Variants in SEPTIN3 observed in about 807,000 individuals in gnomAD.
SEPTIN3 encodes neuronal-specific septin-3.
SEPTIN3 carries 15 observed loss-of-function variants against 45.1 expected under a neutral mutation model. The observed-to-expected ratio is 0.33, with a 90% CI of 0.22 to 0.51. SEPTIN3 has a LOEUF of 0.51. Among genes scored for constraint, SEPTIN3 ranks in the 20% least tolerant of loss-of-function variants. The pLI, the probability that SEPTIN3 is intolerant of heterozygous loss-of-function variation, is 0.97. For missense variants in SEPTIN3, 289 were observed against 457.2 expected, an observed-to-expected ratio of 0.63 and a Z score of 3.35; for synonymous variants, 148 against 164.8, an observed-to-expected ratio of 0.90 and a Z score of 0.78.
In SEPTIN3 at chr22:41,981,648, T is replaced by TC; in HGVS notation, c.1511dup (p.Glu505ArgfsTer14). ...CCCTCCCACCTTGGCTCTGCAGGGC[T>TC]CCCAGAGACCAGGACGGACGCAGCC... On this transcript the variant is annotated frameshift_variant, in exon 3 of 12. Transcript: ENST00000644076. LOFTEE classifies it high-confidence loss of function. 6.2e-7 allele frequency: 1 copy of TC among 1,610,628 alleles called. No individual in the cohort carries two copies. Among genetic ancestry groups the TC allele is most frequent in the Non-Finnish European group, 8.5e-7 (1 of 1,178,480 alleles).
intron 1 of SEPTIN3, among the ~76,000 whole-genome samples, chr22:41,969,987 TCTTG>T (rs1029217623): frequency 2.0e-5 from 3 of 152,058 alleles, no homozygotes; most frequent in African/African-American, 7.2e-5. Context: ...GCCAGGACAG[TCTTG>T]GATACAAATA....
rs1299667756 is a variant in SEPTIN3 at position 41,976,813 on chromosome 22, G to A, written c.1504+3817G>A. 6.7e-6 allele frequency: 1 copy of A among 148,598 alleles called. No homozygotes were observed. The highest frequency in any genetic ancestry group is 2.4e-5 in the African/African-American group (1 of 40,882). The allele number at this position is 148,598 out of a possible 1,614,324, so 9.2% of individuals were successfully genotyped here. A position where few individuals can be genotyped will look rare whatever the true frequency, so the allele number is the denominator to read the frequency against. ...GGTGGCAGCGGCGGCGGCTGGCGGC[G>A]GCGGCAACGGTGCGCGCGGACAGGG... is the stretch of plus-strand genomic sequence containing the variant. On this transcript the variant is annotated intron_variant, in intron 2 of 11. Transcript: ENST00000644076. The surrounding 1 kb of genome is among the most constrained non-coding windows in gnomAD (Gnocchi z 5.8).
intron 9 of SEPTIN3, 122 bp downstream of exon 9, chr22:41,992,885 GC>G: frequency 1.4e-6 from 1 of 712,174 alleles, no homozygotes; most frequent in Non-Finnish European, 2.5e-6. Context: ...GCCAGATTCT[GC>G]CCATAAGGAG....
rs574004626 is a variant in SEPTIN3, at chr22:41,972,401, G to C, written c.909G>C (p.Lys303Asn). The C allele has an allele frequency of 6.3e-4, 251 of 399,112 alleles. 1 individual carries two copies. The highest frequency in any genetic ancestry group is 4.7e-3 in the African/African-American group (228 of 48,748). The allele number at this position is 399,112 out of a possible 1,614,324, so 24.7% of individuals were successfully genotyped here. Residue 303 changes from lysine (K) to asparagine (N), a missense_variant, in exon 2 of 12, where the codon AAG (lysine) becomes AAC (asparagine). Coordinates refer to ENST00000644076, the MANE Select transcript of SEPTIN3 (RefSeq NM_001363845.2). ...TGTEFPALDIKLGTARDLSSV... is the reference protein window; with the variant it reads ...TGTEFPALDINLGTARDLSSV... ...CAGAGTTCCCTGCCCTGGATATCAA[G>C]CTGGGCACAGCCAGAGACTTGTCTT...
chr22:41,987,956 T>C (rs906761856), intron 6 of SEPTIN3, among the ~76,000 whole-genome samples, 197 bp downstream of exon 6: 2 of 151,970 alleles, frequency 1.3e-5, no homozygotes, highest in African/African-American at 4.8e-5. Context: ...AAGTTTGACT[T>C]TCTTGCTAGG....
At chr22:41,989,801 C>A (rs2078274295) in intron 7 of SEPTIN3, 117 bp downstream of exon 7, 1 of 670,462 alleles carries the variant, frequency 1.5e-6, no homozygotes, top group East Asian at 2.6e-5. Flanking sequence ...AACCCTCCCC[C>A]AATTCTCCAC....
In SEPTIN3 at chr22:41,972,203, C is replaced by T; in HGVS notation, c.711C>T (p.Ala237=). 2 of 399,156 alleles carry T rather than the reference C, an allele frequency of 5.0e-6. No individual in the cohort carries two copies. Among genetic ancestry groups the T allele is most frequent in the Non-Finnish European group, 8.8e-6 (2 of 226,150 alleles). 24.7% of individuals were successfully genotyped at this position (399,156 alleles called of 1,614,324 possible). A position where few individuals can be genotyped will look rare whatever the true frequency, so the allele number is the denominator to read the frequency against. ...CTCCAGGAAAAGGCAAGCCCCGGGC[C>T]AGGGGGATCCCCAGACCCCGGGGGC... ...RASPGKGKPR[A]RGIPRPRGRL... Residue 237 remains alanine, a synonymous_variant, in exon 2 of 12, where the codon GCC becomes GCT. Coordinates refer to ENST00000644076, the MANE Select transcript of SEPTIN3 (RefSeq NM_001363845.2).
chr22:41,994,407 T>G lies in SEPTIN3; in HGVS notation c.2411+66T>G. 9.0e-6 allele frequency: 14 copies of G among 1,564,240 alleles called. No individual in the cohort carries two copies. The highest frequency in any genetic ancestry group is 1.2e-5 in the Non-Finnish European group (14 of 1,136,274). Reference sequence around the variant, plus strand: ...ATTATTTGGGGTCAGGGTCTATCTGTTCAGATTCACCTCCTGCATCTCCAG... The same window carrying G: ...ATTATTTGGGGTCAGGGTCTATCTGGTCAGATTCACCTCCTGCATCTCCAG... On this transcript the variant is annotated intron_variant, in intron 10 of 11. Coordinates refer to ENST00000644076, the MANE Select transcript of SEPTIN3 (RefSeq NM_001363845.2). This position sits in a 1 kb window ranked among gnomAD's most constrained non-coding sequence, Gnocchi z 4.2.
chr22:41,971,708 C>A lies in SEPTIN3; in HGVS notation c.216C>A (p.Gly72=). Residue 72 remains glycine (G), a synonymous_variant, in exon 2 of 12, where the codon GGC becomes GGA. Transcript: ENST00000644076. ...TCCCACAGACCTCCAGCCGGCTGGGCCTTGGAGCCAGGACCCGGAGTGTGC... is the reference window on the plus strand; with the variant it reads ...TCCCACAGACCTCCAGCCGGCTGGGACTTGGAGCCAGGACCCGGAGTGTGC... ...SHIPQTSSRL[G]LGARTRSVPP... The A allele has an allele frequency of 2.5e-6, 1 of 399,202 alleles. No individual in the cohort carries two copies. Among genetic ancestry groups the A allele is most frequent in the Non-Finnish European group, 4.4e-6 (1 of 226,238 alleles). The allele number at this position is 399,202 out of a possible 1,614,324, so 24.7% of individuals were successfully genotyped here. A position where few individuals can be genotyped will look rare whatever the true frequency, so the allele number is the denominator to read the frequency against.
In SEPTIN3 at chr22:41,976,106, T is replaced by G. The variant is rs1456441198; in HGVS notation, c.1504+3110T>G. ...CCTCTCTTTGCAGAATACCTCTCCC[T>G]TTCCATTCTTCCCTTCCACTCCCAT... On this transcript the variant is annotated intron_variant, in intron 2 of 11. Transcript: ENST00000644076. The surrounding 1 kb of genome is among the most constrained non-coding windows in gnomAD (Gnocchi z 5.8). Among the ~76,000 whole-genome samples, 1 of 152,150 alleles carries G rather than the reference T, an allele frequency of 6.6e-6. No homozygotes were observed. The highest frequency in any genetic ancestry group is 1.5e-5 in the Non-Finnish European group (1 of 68,030).
chr22:41,980,820 G>A (rs530952737), intron 2 of SEPTIN3, among the ~76,000 whole-genome samples: 6 of 152,098 alleles, frequency 3.9e-5, no homozygotes, highest in East Asian at 1.9e-4. Context: ...ACACTGTGTC[G>A]TCTTAGGCAA....
intron 11 of SEPTIN3, chr22:41,995,109 G>A (rs1227153714): frequency 9.1e-7 from 1 of 1,099,464 alleles, no homozygotes; most frequent in Non-Finnish European, 1.1e-6. Flanking sequence ...TCATTTAAAA[G>A]TGCTGGGAGC....
rs574004626 is a variant in SEPTIN3, at chr22:41,972,401, G to A, written c.909G>A (p.Lys303=). ...TGTEFPALDI[K]LGTARDLSSV... ...CAGAGTTCCCTGCCCTGGATATCAA[G>A]CTGGGCACAGCCAGAGACTTGTCTT... The change falls in exon 2 of 12, where the codon AAG becomes AAA. Residue 303 remains lysine, a synonymous_variant. Coordinates refer to ENST00000644076, the MANE Select transcript of SEPTIN3 (RefSeq NM_001363845.2). The A allele has an allele frequency of 1.0e-5, 4 of 398,996 alleles. No homozygotes were observed. Among genetic ancestry groups the A allele is most frequent in the Non-Finnish European group, 1.8e-5 (4 of 226,106 alleles). The allele number at this position is 398,996 out of a possible 1,614,324, so 24.7% of individuals were successfully genotyped here.
At chr22:41,982,891 C>CAA (rs369512950) in intron 3 of SEPTIN3, among the ~76,000 whole-genome samples, 7 of 134,866 alleles carry the variant, frequency 5.2e-5, no homozygotes, top group African/African-American at 1.9e-4. Context: ...AACTCCATCT[C>CAA]AAAAAAAAAA....
At chr22:41,971,407 G>A (rs1475266631) in intron 1 of SEPTIN3, 67 bp from the exon 2 acceptor site, 3 of 398,266 alleles carry the variant, frequency 7.5e-6, no homozygotes, top group Non-Finnish European at 1.3e-5. Context: ...AGGAAGGGGA[G>A]AGCTGAGACC....
chr22:41,985,776 A>C, intron 3 of SEPTIN3: 3 of 457,808 alleles, frequency 6.6e-6, no homozygotes, highest in Non-Finnish European at 1.2e-5. Context: ...ATGGAATCCA[A>C]GTGATGTTTC....
At position 41,997,025 on chromosome 22, in the gene SEPTIN3, C is replaced by T. The variant is rs556692753; in HGVS notation, c.*58C>T. The T allele has an allele frequency of 5.8e-5, 93 of 1,612,558 alleles. 3 individuals carry two copies. In the South Asian group the frequency reaches 1.0e-3, roughly 17 times the overall value. Reference sequence around the variant, plus strand: ...CCTCTCAGCTGTTATTGCTGCAGGGCCAAGCCCTTTTTAGTGCTGTGCTCG... The same window carrying T: ...CCTCTCAGCTGTTATTGCTGCAGGGTCAAGCCCTTTTTAGTGCTGTGCTCG... On this transcript the variant is annotated 3_prime_UTR_variant, in exon 12 of 12. Coordinates refer to ENST00000644076, the MANE Select transcript of SEPTIN3 (RefSeq NM_001363845.2).
At chr22:41,970,718 C>T (rs188783951) in intron 1 of SEPTIN3, among the ~76,000 whole-genome samples, 4 of 152,304 alleles carry the variant, frequency 2.6e-5, no homozygotes, top group Non-Finnish European at 5.9e-5. Context: ...TCTAGCCTCC[C>T]GCCTTTCTAC....
Position 41,996,939 on chromosome 22 carries a change from C to T in SEPTIN3, c.2543C>T (p.Pro848Leu). The change falls in exon 12 of 12, where the codon CCA becomes CTA. Residue 848 changes from proline to leucine, a missense_variant. Physicochemically the swap from Pro to Leu is moderately conservative, Grantham distance 98. This residue lies in a region of SEPTIN3 where 84 missense variants were observed against 114.7 expected (regional missense o/e 0.73). Transcript: ENST00000644076. Reference protein sequence around the residue: ...GLLGTVLPPVPATPCPTAE With the variant: ...GLLGTVLPPVLATPCPTAE ...CTGGGCACTGTCCTTCCACCTGTGC[C>T]AGCCACCCCCTGCCCCACTGCTGAA... 6.2e-7 allele frequency: 1 copy of T among 1,614,108 alleles called. No homozygotes were observed. Among genetic ancestry groups the T allele is most frequent in the Non-Finnish European group, 8.5e-7 (1 of 1,179,956 alleles).
Sources: allele counts gnomAD v4.1 joint callset (sites outside exome capture counted in the v4.1 genomes callset), GRCh38; gene constraint gnomAD v4.1.1; regional missense constraint gnomAD v4.1.1; non-coding constraint Gnocchi (gnomAD v3.1); transcripts MANE v1.5; gene names NCBI Gene and HGNC (gene_info 2026-07-23, HGNC 2026-07-21).